Variants in ROBO2 observed in about 807,000 individuals in gnomAD.
The protein encoded by ROBO2 is roundabout guidance receptor 2.
A neutral mutation model predicts 160.8 loss-of-function variants in ROBO2; 53 were observed. The observed-to-expected ratio is 0.33, with a 90% CI of 0.26 to 0.41. ROBO2 has a LOEUF of 0.41. ROBO2 is among the 10% of genes least tolerant of loss of function. The pLI, the probability that ROBO2 is intolerant of heterozygous loss-of-function variation, is 1.00. For missense variants in ROBO2, 1,577 were observed against 1,722.4 expected (o/e 0.92, Z 1.49); for synonymous variants, 664 against 611.7 (o/e 1.09, Z -1.26).
intron 2 of ROBO2, among the ~76,000 whole-genome samples, chr3:76,636,946 C>T (rs1335477512): frequency 4.5e-5 from 4 of 88,596 alleles, no homozygotes; most frequent in African/African-American, 1.6e-4. Flanking sequence ...AGAGTGATGG[C>T]AGGCCAACAA....
intron 2 of ROBO2, among the ~76,000 whole-genome samples, chr3:76,618,020 C>T (rs1373454158): frequency 6.6e-6 from 1 of 151,604 alleles, no homozygotes; most frequent in African/African-American, 2.4e-5. Flanking sequence ...CACCACCGAA[C>T]TTCCAGGAAG....
At chr3:77,548,779 G>A (rs2092799932) in intron 7 of ROBO2, among the ~76,000 whole-genome samples, 1 of 151,210 alleles carries the variant, frequency 6.6e-6, no homozygotes, top group African/African-American at 2.4e-5. Context: ...AGATAGAGAG[G>A]GATGTGGTGG....
intron 2 of ROBO2, among the ~76,000 whole-genome samples, chr3:77,297,095 C>T (rs920919404): frequency 4.0e-5 from 6 of 151,788 alleles, no homozygotes; most frequent in African/African-American, 1.5e-4. Context: ...TAAAAATCTA[C>T]GATGGTCCAT....
chr3:77,133,640 A>G (rs1212288109), intron 2 of ROBO2, among the ~76,000 whole-genome samples: 1 of 152,166 alleles, frequency 6.6e-6, no homozygotes, highest in Non-Finnish European at 1.5e-5. Flanking sequence ...TTTAGTTTTT[A>G]TATTTATTCC....
At chr3:76,555,416 A>AGG (rs2083702423) in intron 2 of ROBO2, among the ~76,000 whole-genome samples, 1 of 56,696 alleles carries the variant, frequency 1.8e-5, no homozygotes, top group African/African-American at 3.0e-5. Context: ...AAGAAGAAGA[A>AGG]GAAAGAAGGA....
At chr3:76,251,234 A>G (rs1381024423) in intron 2 of ROBO2, among the ~76,000 whole-genome samples, 8 of 151,902 alleles carry the variant, frequency 5.3e-5, no homozygotes, top group African/African-American at 1.9e-4. Flanking sequence ...TGTGCTCATA[A>G]TTTCCAATGC....
chr3:76,687,404 A>G (rs1391939043), intron 2 of ROBO2, among the ~76,000 whole-genome samples: 2 of 152,080 alleles, frequency 1.3e-5, no homozygotes, highest in Non-Finnish European at 2.9e-5. Context: ...TTCAATAAAT[A>G]TATGTCATTA....
intron 2 of ROBO2, among the ~76,000 whole-genome samples, chr3:76,927,334 AT>A (rs1001225720): frequency 6.6e-6 from 1 of 152,100 alleles, no homozygotes; most frequent in African/African-American, 2.4e-5. Flanking sequence ...TCCCCAAATC[AT>A]TTTTCACAGT....
intron 2 of ROBO2, among the ~76,000 whole-genome samples, chr3:77,131,118 T>C (rs976794844): frequency 1.3e-5 from 2 of 152,208 alleles, no homozygotes; most frequent in Non-Finnish European, 2.9e-5. Flanking sequence ...ATATTCTCTA[T>C]GTGGGTATCA....
At chr3:75,955,573 T>C (rs1261282887) in intron 2 of ROBO2, among the ~76,000 whole-genome samples, 2 of 151,642 alleles carry the variant, frequency 1.3e-5, no homozygotes, top group African/African-American at 4.8e-5. Context: ...ACATGGCACA[T>C]GTATACATAT....
intron 2 of ROBO2, among the ~76,000 whole-genome samples, chr3:76,208,449 A>T (rs1306970427): frequency 2.0e-5 from 3 of 152,142 alleles, no homozygotes; most frequent in African/African-American, 7.2e-5. Context: ...TCTAAATTCT[A>T]TGTATCCCAG....
At chr3:77,359,614 A>T (rs2069633324) in intron 2 of ROBO2, among the ~76,000 whole-genome samples, 1 of 152,116 alleles carries the variant, frequency 6.6e-6, no homozygotes, top group Admixed American at 6.5e-5. Context: ...CAGATAGGGT[A>T]GAGAGGGCAT....
intron 2 of ROBO2, among the ~76,000 whole-genome samples, chr3:77,246,364 G>A (rs1268481891): frequency 1.1e-5 from 1 of 91,592 alleles, no homozygotes; most frequent in Admixed American, 1.1e-4. Flanking sequence ...TGTGTGTTTT[G>A]CATGTTGGCT....
At chr3:77,408,564 CT>C (rs922576526) in intron 2 of ROBO2, among the ~76,000 whole-genome samples, 104 of 152,146 alleles carry the variant, frequency 6.8e-4, no homozygotes, top group African/African-American at 2.2e-3. Context: ...GGTAAAATCT[CT>C]TTTGTTGTTT....
chr3:77,362,582 A>T (rs2070196000), intron 2 of ROBO2, among the ~76,000 whole-genome samples: 1 of 152,142 alleles, frequency 6.6e-6, no homozygotes, highest in South Asian at 2.1e-4. Flanking sequence ...AGAGCTTAGG[A>T]GAAGGAGGCT....
chr3:76,762,525 C>T (rs987487301), intron 2 of ROBO2, among the ~76,000 whole-genome samples: 1 of 148,552 alleles, frequency 6.7e-6, no homozygotes, highest in South Asian at 2.1e-4. Context: ...TTTACATGGA[C>T]AATCAAAACT....
At chr3:75,919,172 A>T (rs907494249) in intron 1 of ROBO2, among the ~76,000 whole-genome samples, 15 of 152,048 alleles carry the variant, frequency 9.9e-5, no homozygotes, top group African/African-American at 3.6e-4. Context: ...TTAGCTATGC[A>T]TTTGTCATAA....
At chr3:76,587,923 C>T (rs2086159969) in intron 2 of ROBO2, among the ~76,000 whole-genome samples, 1 of 152,090 alleles carries the variant, frequency 6.6e-6, no homozygotes, top group Non-Finnish European at 1.5e-5. Context: ...TTATCCTGGA[C>T]AATTCCACCT....
At chr3:76,356,370 A>G (rs543790664) in intron 2 of ROBO2, among the ~76,000 whole-genome samples, 1 of 151,624 alleles carries the variant, frequency 6.6e-6, no homozygotes, top group African/African-American at 2.4e-5. Context: ...TAGAATTAAG[A>G]AAAAAAAGCC....
Sources: allele counts gnomAD v4.1 joint callset (sites outside exome capture counted in the v4.1 genomes callset), GRCh38; gene constraint gnomAD v4.1.1; transcripts MANE v1.5; gene names NCBI Gene and HGNC (gene_info 2026-07-23, HGNC 2026-07-21).